CFAP251: variants seen among roughly 807,000 people sequenced by gnomAD.
CFAP251 encodes the protein cilia- and flagella-associated protein 251.
A neutral mutation model predicts 126.7 loss-of-function variants in CFAP251; 93 were observed. The ratio of observed to expected loss-of-function variants is 0.73; its 90% CI spans 0.62 to 0.87. The LOEUF is 0.87. CFAP251 is among the 40% of genes least tolerant of loss of function. The pLI is 0.00. For synonymous variants in CFAP251, 503 were observed against 506.9 expected, an observed-to-expected ratio of 0.99 and a Z score of 0.10; for missense variants, 1,287 against 1,389.2, an observed-to-expected ratio of 0.93 and a Z score of 1.17.
At chr12:121,982,630 G>A (rs976097560) in intron 19 of CFAP251, among the ~76,000 whole-genome samples, 5 of 152,008 alleles carry the variant, frequency 3.3e-5, no homozygotes, top group African/African-American at 9.7e-5. Context: ...CACTCACCTC[G>A]GCCTCCCAAA....
chr12:121,960,606 G>C lies in CFAP251; in HGVS notation c.2155G>C (p.Val719Leu), dbSNP rs1286394313. The change falls in exon 14 of 22, where the codon GTT becomes CTT. Residue 719 changes from valine to leucine, a missense_variant. Coordinates refer to ENST00000288912, the MANE Select transcript of CFAP251 (RefSeq NM_144668.6). ...TCAGGATAGAAGTTTTACTGTGGCT[G>C]TTTACATGCTGGTGGTCAGAAATGG... ...ATADRSFTVA[V>L]YMLVVRNGQR... 6.2e-7 allele frequency: 1 copy of C among 1,614,062 alleles called. No homozygotes were observed. The highest frequency in any genetic ancestry group is 8.5e-7 in the Non-Finnish European group (1 of 1,180,044).
chr12:121,999,290 T>A (rs1883095578), intron 19 of CFAP251: 1 of 155,176 alleles, frequency 6.4e-6, no homozygotes, highest in Admixed American at 6.3e-5. Context: ...ATTTCTTGTA[T>A]TTTCTGGAGG....
In CFAP251 at chr12:121,957,443, G is replaced by A. The variant is rs748064125; in HGVS notation, c.1730+175G>A. The stretch of plus-strand genomic sequence containing the variant: ...CATAAGGCCGGGCGTGGTGGCTCAC[G>A]CCTGTAATCCCAGCACTTTGGGAGG... On this transcript the variant is annotated intron_variant, in intron 11 of 21. Transcript: ENST00000288912. Among the ~76,000 whole-genome samples, 8 of 151,934 alleles carry A rather than the reference G, an allele frequency of 5.3e-5. No homozygotes were observed. The East Asian group carries it at 7.7e-4, about 15-fold the overall frequency.
Position 121,968,057 on chromosome 12 carries a change from A to G in CFAP251, c.2659A>G (p.Ile887Val), listed in dbSNP as rs1440440803. The change falls in exon 17 of 22, where the codon ATT becomes GTT. Residue 887 changes from isoleucine to valine, a missense_variant. By Grantham distance (29) the Ile-to-Val change is conservative (BLOSUM62 3). Transcript: ENST00000288912. ...VDGNPHKTSAIVCHPNGVAGM... is the reference protein window; with the variant it reads ...VDGNPHKTSAVVCHPNGVAGM... Reference sequence around the variant, plus strand: ...CGGCAATCCACATAAGACATCTGCTATTGTTTGCCACCCGAACGGGGTGGC... The same window carrying G: ...CGGCAATCCACATAAGACATCTGCTGTTGTTTGCCACCCGAACGGGGTGGC... 3.1e-6 allele frequency: 5 copies of G among 1,613,230 alleles called. No individual in the cohort carries two copies. The highest frequency in any genetic ancestry group is 2.7e-5 in the African/African-American group (2 of 74,866).
At chr12:121,991,395 A>C (rs141561672) in intron 19 of CFAP251, among the ~76,000 whole-genome samples, 1 of 152,318 alleles carries the variant, frequency 6.6e-6, no homozygotes, top group East Asian at 1.9e-4. Flanking sequence ...TCATTTTGGC[A>C]CCAGTATCAC....
At chr12:121,962,333 G>A (rs1881968606) in intron 15 of CFAP251, among the ~76,000 whole-genome samples, 171 bp downstream of exon 15, 1 of 152,148 alleles carries the variant, frequency 6.6e-6, no homozygotes. Context: ...TCTCACCAAG[G>A]TCATGTGGCC....
Position 121,989,285 on chromosome 12 carries a change from T to C in CFAP251, c.3007-10431T>C, listed in dbSNP as rs184498925. On this transcript the variant is annotated intron_variant, in intron 19 of 21. Transcript: ENST00000288912. This position sits in a 1 kb window ranked among gnomAD's most constrained non-coding sequence, Gnocchi z 4.2. ...ATGCAGGGCAGGGTGACAGTCACTCTAAAGGGCCCTGTGAATGGGTGTTGT... is the reference window on the plus strand; with the variant it reads ...ATGCAGGGCAGGGTGACAGTCACTCCAAAGGGCCCTGTGAATGGGTGTTGT... 2.4e-3 allele frequency among the ~76,000 whole-genome samples: 362 copies of C among 152,310 alleles called. 3 individuals are homozygous for C. The highest frequency in any genetic ancestry group is 8.4e-3 in the African/African-American group (351 of 41,562).
rs1018828331 is a variant in CFAP251 at position 121,989,509 on chromosome 12, C to T, written c.3007-10207C>T. ...TGTTGCATGAATCGCAGAGGGGGCG[C>T]TCACAGGGGTCTCCAGATGTGGCCA... On this transcript the variant is annotated intron_variant, in intron 19 of 21. Transcript: ENST00000288912. This position sits in a 1 kb window ranked among gnomAD's most constrained non-coding sequence, Gnocchi z 4.2. Among the ~76,000 whole-genome samples, 2 of 152,186 alleles carry T rather than the reference C, an allele frequency of 1.3e-5. No individual in the cohort carries two copies. The highest frequency in any genetic ancestry group is 4.8e-5 in the African/African-American group (2 of 41,448).
At chr12:121,946,633 C>T (rs1297480144) in intron 7 of CFAP251, among the ~76,000 whole-genome samples, 2 of 152,120 alleles carry the variant, frequency 1.3e-5, no homozygotes, top group Non-Finnish European at 2.9e-5. Flanking sequence ...GGTCTCACTC[C>T]ATCACCTAGG....
chr12:121,931,872 C>T lies in CFAP251; in HGVS notation c.874C>T (p.Gln292Ter), dbSNP rs781143639. The T allele has an allele frequency of 6.4e-7, 1 of 1,572,284 alleles. No individual in the cohort carries two copies. The highest frequency in any genetic ancestry group is 1.2e-5 in the South Asian group (1 of 83,818). Residue 292 changes from glutamine (Q) to a stop codon, truncating the protein, a stop_gained, in exon 4 of 22, where the codon CAA becomes TAA. Transcript: ENST00000288912. LOFTEE classifies it high-confidence loss of function. The part of the protein sequence containing the change: ...AIIYNVFRNN[Q>*]YHLQGHANII... The stretch of plus-strand genomic sequence containing the variant: ...CATCTACAACGTGTTCAGGAACAAT[C>T]AATACCACCTTCAGGTATGCAGGGA...
Position 121,974,369 on chromosome 12 carries a change from GTTTA to G in CFAP251, c.2772-868_2772-865del, listed in dbSNP as rs975601793. 1.3e-5 allele frequency among the ~76,000 whole-genome samples: 2 copies of G among 152,144 alleles called. No homozygotes were observed. Among genetic ancestry groups the G allele is most frequent in the Non-Finnish European group, 2.9e-5 (2 of 68,016 alleles). On this transcript the variant is annotated intron_variant, in intron 17 of 21. Transcript: ENST00000288912. This position sits in a 1 kb window ranked among gnomAD's most constrained non-coding sequence, Gnocchi z 4.6. ...AAACAGACTAGAATACCGTGTCTGC[GTTTA>G]TTTATTAATTCTTACAACAATGCTG...
In CFAP251 at chr12:121,958,975, A is replaced by G. The variant is rs1881831644; in HGVS notation, c.2014A>G (p.Thr672Ala). Residue 672 changes from threonine (T) to alanine (A), a missense_variant, in exon 13 of 22, where the codon ACA becomes GCA. Coordinates refer to ENST00000288912, the MANE Select transcript of CFAP251 (RefSeq NM_144668.6). ...TCTTGGAGCTGGCTTTACAGAGGGG[A>G]CAGTTTACATTCTTGATGCAATGTC... ...ALLGAGFTEGTVYILDAMSLE... is the reference protein window; with the variant it reads ...ALLGAGFTEGAVYILDAMSLE... 4 of 1,604,926 alleles carry G rather than the reference A, an allele frequency of 2.5e-6. No individual in the cohort carries two copies. The highest frequency in any genetic ancestry group is 3.4e-6 in the Non-Finnish European group (4 of 1,177,614).
intron 2 of CFAP251, among the ~76,000 whole-genome samples, chr12:121,922,139 C>T (rs1459403719): frequency 1.6e-5 from 2 of 128,820 alleles, no homozygotes; most frequent in Non-Finnish European, 3.3e-5. Context: ...CAGAGTTTCA[C>T]TCTTGTTGCC....
In CFAP251 at chr12:121,958,513, A is replaced by G. The variant is rs756782635; in HGVS notation, c.1972A>G (p.Asn658Asp). Reference protein sequence around the residue: ...KGLGVQSLTYNPEGALLGAGF... With the variant: ...KGLGVQSLTYDPEGALLGAGF... ...GCTTGGAGTCCAGAGTCTGACCTAC[A>G]ACCCCGAAGGTATTTTCATCTTATC... Residue 658 changes from asparagine (N) to aspartate (D), a missense_variant, in exon 12 of 22, where the codon AAC (asparagine) becomes GAC (aspartate). Coordinates refer to ENST00000288912, the MANE Select transcript of CFAP251 (RefSeq NM_144668.6). 9 of 1,614,114 alleles carry G rather than the reference A, an allele frequency of 5.6e-6. No individual in the cohort carries two copies. In the African/African-American group the frequency reaches 1.1e-4, roughly 19 times the overall value.
At chr12:121,954,076 T>C (rs753368789) in intron 9 of CFAP251, 44 bp from the exon 10 acceptor site, 35 of 1,510,980 alleles carry the variant, frequency 2.3e-5, no homozygotes, top group Non-Finnish European at 2.8e-5. Flanking sequence ...TGCTTTGTTT[T>C]ATATTTATTA....
intron 15 of CFAP251, among the ~76,000 whole-genome samples, chr12:121,964,697 C>T (rs559839625): frequency 1.1e-4 from 17 of 151,594 alleles, no homozygotes; most frequent in Non-Finnish European, 2.2e-4. Flanking sequence ...GTCAGGAGTT[C>T]GAGACCAGCC....
chr12:121,991,735 T>C (rs1260286602), intron 19 of CFAP251, among the ~76,000 whole-genome samples: 2 of 152,204 alleles, frequency 1.3e-5, no homozygotes, highest in Non-Finnish European at 2.9e-5. Flanking sequence ...GGCTCATTCC[T>C]GTAATCCCAG....
At chr12:121,936,046 C>T (rs949791104) in intron 5 of CFAP251, among the ~76,000 whole-genome samples, 2 of 152,218 alleles carry the variant, frequency 1.3e-5, no homozygotes, top group Non-Finnish European at 2.9e-5. Context: ...GCAGGCTGAG[C>T]TCATCTGTCA....
At chr12:121,942,480 C>A in intron 5 of CFAP251, 54 bp from the exon 6 acceptor site, 1 of 1,372,026 alleles carries the variant, frequency 7.3e-7, no homozygotes, top group Non-Finnish European at 1.0e-6. Context: ...CTGGGACTCT[C>A]TGGGAAGCCA....
Sources: allele counts gnomAD v4.1 joint callset (sites outside exome capture counted in the v4.1 genomes callset), GRCh38; gene constraint gnomAD v4.1.1; non-coding constraint Gnocchi (gnomAD v3.1); transcripts MANE v1.5; gene names NCBI Gene and HGNC (gene_info 2026-07-23, HGNC 2026-07-21).